LMNB1: variants seen among roughly 807,000 people sequenced by gnomAD.
LMNB1 encodes the protein lamin B1.
In LMNB1, 23 loss-of-function variants were observed where a neutral mutation model predicts 67.1. That is an observed-to-expected ratio of 0.34 (90% confidence interval 0.25 to 0.49). The LOEUF is 0.49. Ranked by LOEUF, LMNB1 falls within the 20% of genes least tolerant of loss-of-function variation. The probability of loss-of-function intolerance (pLI) is 0.99; values close to 1 mark genes in which losing one functional copy is unlikely to be tolerated. For missense variants in LMNB1, 634 were observed against 746.5 expected, an observed-to-expected ratio of 0.85 and a Z score of 1.76; for synonymous variants, 281 against 282.9, an observed-to-expected ratio of 0.99 and a Z score of 0.07.
At chr5:126,785,757 C>CT (rs1218024342) in intron 1 of LMNB1, among the ~76,000 whole-genome samples, 3 of 151,974 alleles carry the variant, frequency 2.0e-5, no homozygotes, top group Non-Finnish European at 2.9e-5. Context: ...CTCATGCCTG[C>CT]AATCCCAGCA....
intron 3 of LMNB1, among the ~76,000 whole-genome samples, chr5:126,807,352 A>C (rs1751468194): frequency 6.6e-6 from 1 of 152,240 alleles, no homozygotes. Context: ...TTGGAGGAAA[A>C]ATAATAGAAA....
intron 1 of LMNB1, among the ~76,000 whole-genome samples, chr5:126,796,457 G>A (rs1172921236): frequency 1.3e-5 from 2 of 152,180 alleles, no homozygotes; most frequent in Non-Finnish European, 2.9e-5. Context: ...AGAAGCCAGG[G>A]TTGGAAATGA....
intron 1 of LMNB1, among the ~76,000 whole-genome samples, chr5:126,799,056 C>A (rs1373213768): frequency 1.4e-5 from 2 of 143,244 alleles, no homozygotes; most frequent in Admixed American, 1.5e-4. Flanking sequence ...GTCTCGCTGT[C>A]GCCCAGGCTG....
In LMNB1 at chr5:126,832,709, A is replaced by C; in HGVS notation, c.1627A>C (p.Ser543Arg). Residue 543 changes from serine to arginine, a missense_variant, in exon 10 of 11, where the codon AGT (serine) becomes CGT (arginine). Physicochemically the swap from Ser to Arg is moderately radical, Grantham distance 110. Transcript: ENST00000261366. The part of the protein sequence containing the change: ...NSQGEEVAQR[S>R]TVFKTTIPEE... ...TTGTTTTTAGGAGGTTGCTCAAAGA[A>C]GTACAGTCTTTAAAACAACCATACC... 2 of 1,612,270 alleles carry C rather than the reference A, an allele frequency of 1.2e-6. No individual in the cohort carries two copies. The highest frequency in any genetic ancestry group is 1.7e-4 in the Middle Eastern group (1 of 6,058).
chr5:126,782,783 C>T (rs994205831), intron 1 of LMNB1, among the ~76,000 whole-genome samples: 1 of 151,962 alleles, frequency 6.6e-6, no homozygotes, highest in South Asian at 2.1e-4. Context: ...CTCTTGACCT[C>T]GTGATCTGCC....
chr5:126,833,033 T>G (rs991547696), intron 10 of LMNB1, among the ~76,000 whole-genome samples: 1 of 152,236 alleles, frequency 6.6e-6, no homozygotes, highest in Admixed American at 6.5e-5. Flanking sequence ...TTCAGTTTTG[T>G]CCTTTGTTTT....
intron 1 of LMNB1, among the ~76,000 whole-genome samples, chr5:126,793,800 C>T (rs926607859): frequency 6.6e-6 from 1 of 152,040 alleles, no homozygotes; most frequent in East Asian, 1.9e-4. Context: ...CACTTAAACC[C>T]GGAAGGCGGA....
chr5:126,787,539 TATATATA>T (rs1412451088), intron 1 of LMNB1, among the ~76,000 whole-genome samples: 2 of 66,078 alleles, frequency 3.0e-5, no homozygotes, highest in South Asian at 5.4e-4. Context: ...TATATATATA[TATATATA>T]TTTTTTTTTT....
intron 1 of LMNB1, among the ~76,000 whole-genome samples, chr5:126,791,579 TCTGGAGTAGTTGGGACTACTA>T (rs375777719): frequency 2.1e-4 from 32 of 150,032 alleles, no homozygotes; most frequent in African/African-American, 6.4e-4. Flanking sequence ...CACCTTAGCC[TCTGGAGTAGTTGGGACTACTA>T]CTGGAGTAGT....
At chr5:126,824,157 A>G (rs962578185) in intron 8 of LMNB1, among the ~76,000 whole-genome samples, 1 of 152,226 alleles carries the variant, frequency 6.6e-6, no homozygotes, top group Non-Finnish European at 1.5e-5. Flanking sequence ...TCTTTGGAAC[A>G]TGGTAGTAAT....
chr5:126,808,562 GA>G (rs1170616061), intron 3 of LMNB1, among the ~76,000 whole-genome samples: 3 of 151,804 alleles, frequency 2.0e-5, no homozygotes, highest in Non-Finnish European at 4.4e-5. Context: ...ACAGTTGGGG[GA>G]AAAAAGGAAG....
upstream of LMNB1, chr5:126,776,774 C>A (rs1026915123): frequency 6.6e-6 from 1 of 152,306 alleles, no homozygotes; most frequent in Non-Finnish European, 1.5e-5. Context: ...GGCTCCTTCC[C>A]GCCTTTCTCA....
chr5:126,786,756 G>A lies in LMNB1; in HGVS notation c.359+8889G>A, dbSNP rs562495256. Among the ~76,000 whole-genome samples the A allele has an allele frequency of 2.0e-4, 31 of 152,258 alleles. No individual in the cohort carries two copies. The South Asian group carries it at 5.6e-3, about 28-fold the overall frequency. On this transcript the variant is annotated intron_variant, in intron 1 of 10. Transcript: ENST00000261366. ...ATGCTACTAGTTGCATGTTTTTCAC[G>A]TTGATAGTTTGTAGCCTTCAAGGGA...
intron 1 of LMNB1, among the ~76,000 whole-genome samples, chr5:126,795,541 C>T (rs1751065625): frequency 6.6e-6 from 1 of 152,196 alleles, no homozygotes; most frequent in African/African-American, 2.4e-5. Context: ...CTAAAGTTAT[C>T]ACCTAGTAAT....
chr5:126,799,195 T>C (rs1205827381), intron 1 of LMNB1, among the ~76,000 whole-genome samples: 1 of 152,146 alleles, frequency 6.6e-6, no homozygotes, highest in African/African-American at 2.4e-5. Context: ...ATTTTTTGTA[T>C]TTTTAGTAGA....
chr5:126,822,077 C>T (rs376800272), intron 7 of LMNB1, among the ~76,000 whole-genome samples: 2 of 148,544 alleles, frequency 1.3e-5, no homozygotes, highest in African/African-American at 2.5e-5. Flanking sequence ...GATCTTGGCT[C>T]CTCCACCTCT....
rs1387600770 is a variant in LMNB1, at chr5:126,787,431, C to T, written c.359+9564C>T. Among the ~76,000 whole-genome samples the T allele has an allele frequency of 2.9e-5, 3 of 105,252 alleles. No individual in the cohort carries two copies. In the Admixed American group the frequency reaches 3.2e-4, roughly 11 times the overall value. 69.0% of individuals were successfully genotyped at this position (105,252 alleles called of 152,430 possible). ...ATATGTGTATGTGTGTGTATATATA[C>T]ATCTTATATGTATATGTTATATATA... is the stretch of plus-strand genomic sequence containing the variant. On this transcript the variant is annotated intron_variant, in intron 1 of 10. Coordinates refer to ENST00000261366, the MANE Select transcript of LMNB1 (RefSeq NM_005573.4).
chr5:126,787,546 A>ATATATATATATTTTTTTTTTTTTTTT, intron 1 of LMNB1, among the ~76,000 whole-genome samples: 3 of 65,584 alleles, frequency 4.6e-5, no homozygotes, highest in Non-Finnish European at 5.5e-5. Flanking sequence ...ATATATATAT[A>ATATATATATATTTTTTTTTTTTTTTT]TTTTTTTTTT....
intron 8 of LMNB1, among the ~76,000 whole-genome samples, chr5:126,823,406 CTA>C (rs1751917661): frequency 6.6e-6 from 1 of 152,120 alleles, no homozygotes; most frequent in South Asian, 2.1e-4. Flanking sequence ...AAATGGCTCT[CTA>C]TTGGTATGTT....
Sources: gnomAD v4.1 joint callset for allele counts (sites outside exome capture counted in the v4.1 genomes callset) on GRCh38, gnomAD v4.1.1 for gene constraint, MANE v1.5 for transcripts, NCBI Gene and HGNC (gene_info 2026-07-23, HGNC 2026-07-21) for gene names.